The following PRMT2 variants were observed in gnomAD, a reference collection of about 807,000 sequenced individuals.
The protein encoded by PRMT2 is protein arginine methyltransferase 2.
In PRMT2, 26 loss-of-function variants were observed where a neutral mutation model predicts 57.6. The ratio of observed to expected loss-of-function variants is 0.45; its 90% CI spans 0.33 to 0.63. The LOEUF (loss-of-function observed/expected upper bound fraction) is 0.63, where lower values mean the gene tolerates loss of function less well. Ranked by LOEUF, PRMT2 falls within the 20% of genes least tolerant of loss-of-function variation. The probability of loss-of-function intolerance (pLI) is 0.02; values close to 1 mark genes in which losing one functional copy is unlikely to be tolerated. For synonymous variants in PRMT2, 219 were observed against 220.0 expected (o/e 1.00, Z 0.04); for missense variants, 472 against 564.4 (o/e 0.84, Z 1.66).
chr21:46,649,479 T>C lies in PRMT2; in HGVS notation c.490-96T>C. 1.3e-6 allele frequency: 2 copies of C among 1,578,378 alleles called. No homozygotes were observed. Among genetic ancestry groups the C allele is most frequent in the South Asian group, 1.1e-5 (1 of 90,014 alleles). On this transcript the variant is annotated intron_variant, in intron 6 of 11. Coordinates refer to ENST00000355680, the MANE Select transcript of PRMT2 (RefSeq NM_206962.4). This position sits in a 1 kb window ranked among gnomAD's most constrained non-coding sequence, Gnocchi z 4.8. ...GGAATGCTGCTTCCCTCTTGTGTCA[T>C]TGACCATTTCTCGTGATGCTGGTTG...
chr21:46,664,643 G>GCGACCA lies in PRMT2; in HGVS notation c.*316_*317insCGACCA. ...TCGGAGCTCCATGTTCCTAAGCTAGGTCTAGGTCTACACTCCTAGGACGCA... is the reference window on the plus strand; with the variant it reads ...TCGGAGCTCCATGTTCCTAAGCTAGGCGACCATCTAGGTCTACACTCCTAGGACGCA... On this transcript the variant is annotated 3_prime_UTR_variant, in exon 12 of 12. Coordinates refer to ENST00000355680, the MANE Select transcript of PRMT2 (RefSeq NM_206962.4). The GCGACCA allele has an allele frequency of 8.6e-6, 4 of 464,780 alleles. No homozygotes were observed. In the South Asian group the frequency reaches 9.5e-5, roughly 11 times the overall value. The allele number at this position is 464,780 out of a possible 1,614,324, so 28.8% of individuals were successfully genotyped here. A position where few individuals can be genotyped will look rare whatever the true frequency, so the allele number is the denominator to read the frequency against.
At chr21:46,636,873 T>G in intron 2 of PRMT2, 23 bp from the exon 3 acceptor site, 1 of 1,436,244 alleles carries the variant, frequency 7.0e-7, no homozygotes, top group Non-Finnish European at 9.6e-7. Context: ...GTACTTTGTG[T>G]CTCCTTCTCT....
chr21:46,659,257 T>A, intron 8 of PRMT2: 1 of 1,047,276 alleles, frequency 9.5e-7, no homozygotes, highest in Non-Finnish European at 1.2e-6. Context: ...GAAAACTTAA[T>A]TCTGCATGGA....
At chr21:46,641,300 G>A (rs1020197630) in intron 3 of PRMT2, among the ~76,000 whole-genome samples, 2 of 152,184 alleles carry the variant, frequency 1.3e-5, no homozygotes, top group African/African-American at 4.8e-5. Flanking sequence ...AGAATCAAGC[G>A]GAATTCCTGC....
At chr21:46,651,472 G>A (rs184846838) in intron 7 of PRMT2, among the ~76,000 whole-genome samples, 2 of 135,030 alleles carry the variant, frequency 1.5e-5, no homozygotes, top group East Asian at 4.4e-4. Flanking sequence ...ATGGCCTGGA[G>A]GGGCCACCCT....
At chr21:46,643,357 T>G in intron 3 of PRMT2, 178 bp from the exon 4 acceptor site, 1 of 1,168,984 alleles carries the variant, frequency 8.6e-7, no homozygotes, top group Non-Finnish European at 1.1e-6. Context: ...AAAAGAAATG[T>G]AGAGTGAAGG....
In PRMT2 at chr21:46,651,669, G is replaced by C. The variant is rs991614222; in HGVS notation, c.654+1930G>C. On this transcript the variant is annotated intron_variant, in intron 7 of 11. Transcript: ENST00000355680. ...TCATTACTCAGGCCAAGGAGGCCCA[G>C]AACAGGGCAGACGGGGCTGCAAGAG... is the stretch of plus-strand genomic sequence containing the variant. The C allele has an allele frequency of 3.9e-5, 39 of 997,716 alleles. No individual in the cohort carries two copies. In the African/African-American group the frequency reaches 6.1e-4, roughly 16 times the overall value. The allele number at this position is 997,716 out of a possible 1,614,324, so 61.8% of individuals were successfully genotyped here.
Position 46,660,869 on chromosome 21 carries a change from G to A in PRMT2, c.867G>A (p.Lys289=). The A allele has an allele frequency of 2.5e-6, 4 of 1,613,802 alleles. No homozygotes were observed. Among genetic ancestry groups the A allele is most frequent in the Non-Finnish European group, 2.5e-6 (3 of 1,179,760 alleles). Residue 289 remains lysine, a synonymous_variant, in exon 9 of 12, where the codon AAG becomes AAA. Coordinates refer to ENST00000355680, the MANE Select transcript of PRMT2 (RefSeq NM_206962.4). ...TTAAGGAGTTTTTTTCAAAGCCCAAGTATAACCACATTTTGAAACCAGAAG... is the reference window on the plus strand; with the variant it reads ...TTAAGGAGTTTTTTTCAAAGCCCAAATATAACCACATTTTGAAACCAGAAG... ...LAVKEFFSKP[K]YNHILKPEDC...
chr21:46,636,300 T>C (rs759211636), intron 1 of PRMT2, 139 bp from the exon 2 acceptor site: 2 of 152,342 alleles, frequency 1.3e-5, no homozygotes, highest in Non-Finnish European at 2.9e-5. Flanking sequence ...GGTCTTCCAA[T>C]GAAAATATAA....
chr21:46,645,667 G>T (rs1366621497), intron 5 of PRMT2, among the ~76,000 whole-genome samples: 3 of 151,788 alleles, frequency 2.0e-5, no homozygotes, highest in Non-Finnish European at 4.4e-5. Flanking sequence ...TATAACGTTT[G>T]ACTCAATTAT....
intron 8 of PRMT2, chr21:46,659,186 G>C (rs2061584280): frequency 8.4e-7 from 1 of 1,187,736 alleles, no homozygotes; most frequent in Admixed American, 4.3e-5. Flanking sequence ...AGGGAGTGAG[G>C]GCCAAGTCAG....
chr21:46,662,322 A>G (rs1317725486), intron 10 of PRMT2, among the ~76,000 whole-genome samples: 2 of 152,090 alleles, frequency 1.3e-5, no homozygotes, highest in African/African-American at 4.8e-5. Context: ...TTTGGGACAC[A>G]TTTCCCCGCC....
intron 3 of PRMT2, 191 bp from the exon 4 acceptor site, chr21:46,643,344 T>C (rs12627121): frequency 0.2 from 219,438 of 1,110,392 alleles, 22,195 homozygotes; most frequent in East Asian, 0.38. Flanking sequence ...TTTTTTTTTT[T>C]AGAAAAGAAA....
chr21:46,664,300 A>T lies in PRMT2; in HGVS notation c.1275A>T (p.Gly425=). 9 of 1,612,018 alleles carry T rather than the reference A, an allele frequency of 5.6e-6. No individual in the cohort carries two copies. Among genetic ancestry groups the T allele is most frequent in the Non-Finnish European group, 7.6e-6 (9 of 1,178,068 alleles). Residue 425 remains glycine (G), a synonymous_variant, in exon 12 of 12, where the codon GGA becomes GGT. Coordinates refer to ENST00000355680, the MANE Select transcript of PRMT2 (RefSeq NM_206962.4). ...SRQDPTSQKV[G]EKVFPIWR is the part of the protein sequence containing the mutation. ...TTGTCATTTATCTTTTTCAGGTTGG[A>T]GAAAAAGTCTTCCCCATCTGGAGAT...
chr21:46,663,950 C>T (rs2061667462), intron 11 of PRMT2, among the ~76,000 whole-genome samples: 1 of 152,162 alleles, frequency 6.6e-6, no homozygotes, highest in Admixed American at 6.5e-5. Context: ...GGCGTGTCGT[C>T]TGTGATGCGT....
chr21:46,660,690 C>A, intron 8 of PRMT2, 143 bp from the exon 9 acceptor site: 1 of 1,066,302 alleles, frequency 9.4e-7, no homozygotes, highest in Non-Finnish European at 1.3e-6. Context: ...CTGAGGGCTG[C>A]TCTGGGGTTC....
At chr21:46,659,561 TATA>T (rs1331716370) in intron 8 of PRMT2, 21 of 956,182 alleles carry the variant, frequency 2.2e-5, no homozygotes, top group Non-Finnish European at 2.5e-5. Context: ...TATGAAAAAT[TATA>T]ATGTTGTTAG....
chr21:46,645,116 A>T (rs892784337), intron 5 of PRMT2, among the ~76,000 whole-genome samples: 4 of 118,360 alleles, frequency 3.4e-5, no homozygotes, highest in Admixed American at 2.0e-4. Context: ...AAAAAAATAT[A>T]ATTAGCTGGG....
Position 46,664,309 on chromosome 21 carries a change from C to A in PRMT2, c.1284C>A (p.Val428=). 10 of 1,613,656 alleles carry A rather than the reference C, an allele frequency of 6.2e-6. No homozygotes were observed. Among genetic ancestry groups the A allele is most frequent in the Non-Finnish European group, 8.5e-6 (10 of 1,179,582 alleles). ...DPTSQKVGEK[V]FPIWR ...ATCTTTTTCAGGTTGGAGAAAAAGT[C>A]TTCCCCATCTGGAGATGACAGTTGA... is the stretch of plus-strand genomic sequence containing the variant. The change falls in exon 12 of 12, where the codon GTC becomes GTA. Residue 428 remains valine (V), a synonymous_variant. Transcript: ENST00000355680.
Sources: gnomAD v4.1 joint callset for allele counts (sites outside exome capture counted in the v4.1 genomes callset) on GRCh38, gnomAD v4.1.1 for gene constraint, Gnocchi (gnomAD v3.1) non-coding constraint, MANE v1.5 for transcripts, NCBI Gene and HGNC (gene_info 2026-07-23, HGNC 2026-07-21) for gene names.